Variants in MYO5B observed in about 807,000 individuals in gnomAD.
The protein encoded by MYO5B is unconventional myosin-Vb.
A neutral mutation model predicts 229.3 loss-of-function variants in MYO5B; 143 were observed. That is an observed-to-expected ratio of 0.62 (90% confidence interval 0.54 to 0.72). The LOEUF is 0.72. Among genes scored for constraint, MYO5B ranks in the 30% least tolerant of loss-of-function variants. The probability of loss-of-function intolerance (pLI) is 0.00; values close to 1 mark genes in which losing one functional copy is unlikely to be tolerated. For missense variants in MYO5B, 2,321 were observed against 2,331.0 expected, an observed-to-expected ratio of 1.00 and a Z score of 0.09; for synonymous variants, 918 against 885.2, an observed-to-expected ratio of 1.04 and a Z score of -0.66.
chr18:49,839,022 T>A lies in MYO5B; in HGVS notation c.4852+122A>T. The A allele has an allele frequency of 4.9e-6, 6 of 1,236,142 alleles. No individual in the cohort carries two copies. In the South Asian group the frequency reaches 7.2e-5, roughly 15 times the overall value. The allele number at this position is 1,236,142 out of a possible 1,614,324, so 76.6% of individuals were successfully genotyped here. On this transcript the variant is annotated intron_variant, in intron 36 of 39. Transcript: ENST00000285039. Reference sequence around the variant, plus strand: ...CTCAGTTCTGCCTTCACTGGAAGGTTCTGGCTTTCTGGAGGTCATGGCTAA... The same window carrying A: ...CTCAGTTCTGCCTTCACTGGAAGGTACTGGCTTTCTGGAGGTCATGGCTAA...
chr18:50,111,142 A>T (rs1199743372), intron 1 of MYO5B, among the ~76,000 whole-genome samples: 1 of 152,238 alleles, frequency 6.6e-6, no homozygotes, highest in Non-Finnish European at 1.5e-5. Context: ...GATTAGCTCA[A>T]AGATTACTAG....
chr18:49,911,202 G>A (rs550553868), intron 18 of MYO5B, among the ~76,000 whole-genome samples: 4 of 152,284 alleles, frequency 2.6e-5, no homozygotes, highest in Admixed American at 1.3e-4. Flanking sequence ...CAGATGGGCC[G>A]TGCTATGTAG....
chr18:49,868,209 A>T (rs1420374242), intron 27 of MYO5B, among the ~76,000 whole-genome samples: 1 of 152,216 alleles, frequency 6.6e-6, no homozygotes, highest in Non-Finnish European at 1.5e-5. Context: ...TGGATTTTTT[A>T]AAAATTCTCT....
intron 4 of MYO5B, among the ~76,000 whole-genome samples, chr18:50,010,236 T>G (rs1182395231): frequency 5.9e-5 from 9 of 152,242 alleles, no homozygotes; most frequent in Non-Finnish European, 1.3e-4. Context: ...CTTGGAGTGC[T>G]AAGCGCTATT....
Position 49,876,383 on chromosome 18 carries a change from C to T in MYO5B, c.3397-556G>A, listed in dbSNP as rs1273115820. Reference sequence around the variant, plus strand: ...CCTTTTGGATTCATGCCTGAGTTTGCCCTCCAGGACTCCAATGCGTGGGGA... The same window carrying T: ...CCTTTTGGATTCATGCCTGAGTTTGTCCTCCAGGACTCCAATGCGTGGGGA... On this transcript the variant is annotated intron_variant, in intron 25 of 39. Transcript: ENST00000285039. 7 of 237,548 alleles carry T rather than the reference C, an allele frequency of 2.9e-5. No homozygotes were observed. In the East Asian group the frequency reaches 7.6e-4, roughly 26 times the overall value. 14.7% of individuals were successfully genotyped at this position (237,548 alleles called of 1,614,324 possible).
At chr18:49,837,979 G>A (rs1460241747) in intron 36 of MYO5B, among the ~76,000 whole-genome samples, 177 bp from the exon 37 acceptor site, 2 of 152,204 alleles carry the variant, frequency 1.3e-5, no homozygotes, top group African/African-American at 4.8e-5. Flanking sequence ...GTTGATTTCT[G>A]TATGGAATAA....
chr18:50,149,354 C>T (rs1383845919), intron 1 of MYO5B, among the ~76,000 whole-genome samples: 4 of 151,136 alleles, frequency 2.6e-5, no homozygotes, highest in African/African-American at 7.3e-5. Flanking sequence ...CATATGGAAC[C>T]AAAAAAGAGC....
intron 4 of MYO5B, 151 bp from the exon 5 acceptor site, chr18:50,001,562 C>A: frequency 4.1e-6 from 4 of 966,134 alleles, no homozygotes; most frequent in Admixed American, 1.9e-5. Flanking sequence ...AATAGTCTGC[C>A]CTCCCCGACA....
At chr18:50,102,240 G>A (rs1372267014) in intron 1 of MYO5B, among the ~76,000 whole-genome samples, 1 of 152,038 alleles carries the variant, frequency 6.6e-6, no homozygotes, top group African/African-American at 2.4e-5. Context: ...CATACACTGA[G>A]AACTGTTGTG....
chr18:49,847,368 G>A (rs1019771598), intron 32 of MYO5B, 79 bp from the exon 33 acceptor site: 12 of 1,540,582 alleles, frequency 7.8e-6, no homozygotes, highest in African/African-American at 6.8e-5. Flanking sequence ...TCTGGCGGGT[G>A]GAGGATGGGA....
At chr18:49,849,429 C>T in intron 32 of MYO5B, 138 bp downstream of exon 32, 1 of 778,014 alleles carries the variant, frequency 1.3e-6, no homozygotes, top group Admixed American at 1.7e-5. Flanking sequence ...ACTTCTATCG[C>T]CTGGCTGGAC....
chr18:49,839,240 C>G lies in MYO5B; in HGVS notation c.4756G>C (p.Asp1586His). ...KQNEHCLKNF[D>H]LTEYRQVLSD... Reference sequence around the variant, plus strand: ...AGCACCTGACGGTATTCGGTGAGGTCAAAATTCTTAAGACAGTGTTCATTC... The same window carrying G: ...AGCACCTGACGGTATTCGGTGAGGTGAAAATTCTTAAGACAGTGTTCATTC... The change falls in exon 36 of 40, where the codon GAC (aspartate) becomes CAC (histidine). Residue 1586 changes from aspartate (D) to histidine (H), a missense_variant. Asp to His is a moderately conservative substitution (Grantham distance 81). Around this residue, in one of 2 missense-constraint regions of MYO5B, gnomAD observed 2,113 missense variants for 2,044.7 expected, o/e 1.03. Transcript: ENST00000285039. 6.2e-7 allele frequency: 1 copy of G among 1,614,112 alleles called. No homozygotes were observed. The highest frequency in any genetic ancestry group is 8.5e-7 in the Non-Finnish European group (1 of 1,180,010).
intron 2 of MYO5B, among the ~76,000 whole-genome samples, chr18:50,043,636 T>A (rs1269354384): frequency 1.3e-4 from 17 of 135,968 alleles, no homozygotes; most frequent in Non-Finnish European, 2.2e-4. Context: ...ATAAATATAT[T>A]AAATATATTT....
Position 50,147,216 on chromosome 18 carries a change from C to T in MYO5B, c.27+47551G>A, listed in dbSNP as rs191992770. 1.4e-3 allele frequency among the ~76,000 whole-genome samples: 216 copies of T among 152,280 alleles called. 1 individual carries two copies. Among genetic ancestry groups the T allele is most frequent in the Non-Finnish European group, 2.7e-3 (185 of 68,028 alleles). ...ACGCCTTTCAGAGCCTTCATCTTCCCCACAGTGGCTTCTCTTCTTCCAACT... is the reference window on the plus strand; with the variant it reads ...ACGCCTTTCAGAGCCTTCATCTTCCTCACAGTGGCTTCTCTTCTTCCAACT... On this transcript the variant is annotated intron_variant, in intron 1 of 39. Transcript: ENST00000285039.
At chr18:49,853,722 T>C (rs2144061144) in intron 30 of MYO5B, 75 bp from the exon 31 acceptor site, 1 of 1,407,376 alleles carries the variant, frequency 7.1e-7, no homozygotes, top group Non-Finnish European at 9.8e-7. Context: ...GGCAGAAACA[T>C]AACAGGGGAG....
At chr18:50,118,327 G>A (rs2031999607) in intron 1 of MYO5B, among the ~76,000 whole-genome samples, 1 of 152,164 alleles carries the variant, frequency 6.6e-6, no homozygotes, top group Admixed American at 6.5e-5. Context: ...TGTCCAACCT[G>A]AAGCCCAATG....
intron 11 of MYO5B, 79 bp downstream of exon 11, chr18:49,962,870 G>A: frequency 8.1e-7 from 1 of 1,233,820 alleles, no homozygotes; most frequent in Non-Finnish European, 1.2e-6. Flanking sequence ...CCACCTCAGA[G>A]GAAGAGAAGT....
At chr18:50,021,718 T>TAAAAAAA (rs34172106) in intron 4 of MYO5B, among the ~76,000 whole-genome samples, 3 of 119,592 alleles carry the variant, frequency 2.5e-5, no homozygotes, top group Admixed American at 9.0e-5. Flanking sequence ...CCCATCTGCG[T>TAAAAAAA]AAAAAAAAAA....
At chr18:50,025,128 C>A (rs938337087) in intron 4 of MYO5B, among the ~76,000 whole-genome samples, 3 of 152,192 alleles carry the variant, frequency 2.0e-5, no homozygotes, top group Non-Finnish European at 4.4e-5. Flanking sequence ...CTATAGATAA[C>A]AACTTGAATA....
Sources: gnomAD v4.1 joint callset for allele counts (sites outside exome capture counted in the v4.1 genomes callset) on GRCh38, gnomAD v4.1.1 for gene constraint, gnomAD v4.1.1 regional missense constraint, MANE v1.5 for transcripts, NCBI Gene and HGNC (gene_info 2026-07-23, HGNC 2026-07-21) for gene names.